The following KCNK9 variants were observed in gnomAD, a reference collection of about 807,000 sequenced individuals.
KCNK9 encodes potassium two pore domain channel subfamily K member 9.
Under a neutral mutation model 10.8 loss-of-function variants are expected in KCNK9, and 1 was observed. The ratio of observed to expected loss-of-function variants is 0.09; its 90% CI spans 0.03 to 0.44. KCNK9 has a LOEUF of 0.44. Ranked by LOEUF, KCNK9 falls within the 20% of genes least tolerant of loss-of-function variation. KCNK9 has a pLI of 0.97. For missense variants in KCNK9, 303 were observed against 515.0 expected (o/e 0.59, Z 3.98); for synonymous variants, 231 against 222.7 (o/e 1.04, Z -0.33).
At chr8:139,600,922 A>G (rs1468736788), downstream of KCNK9, 1 of 151,766 alleles carries the variant, frequency 6.6e-6, no homozygotes, top group Non-Finnish European at 1.5e-5. Context: ...GGGAGATGTT[A>G]ATAATAATTC....
intron 1 of KCNK9, among the ~76,000 whole-genome samples, chr8:139,628,796 A>G (rs1815064735): frequency 6.6e-6 from 1 of 152,206 alleles, no homozygotes; most frequent in African/African-American, 2.4e-5. Context: ...GCAAAGCACA[A>G]ATTTCCAACA....
chr8:139,695,441 T>C (rs1212964073), intron 1 of KCNK9, among the ~76,000 whole-genome samples: 1 of 152,198 alleles, frequency 6.6e-6, no homozygotes. Flanking sequence ...TACAGGCTGT[T>C]ACAGAACAGG....
At chr8:139,610,341 A>C (rs1237555138), downstream of KCNK9, among the ~76,000 whole-genome samples, 5 of 152,246 alleles carry the variant, frequency 3.3e-5, no homozygotes, top group Non-Finnish European at 7.3e-5. Context: ...CCCAGAGGGC[A>C]CAGATGCAGG....
downstream of KCNK9, chr8:139,615,691 C>G (rs755548363): frequency 6.6e-6 from 1 of 152,128 alleles, no homozygotes; most frequent in African/African-American, 2.4e-5. Flanking sequence ...AGATAAATTA[C>G]AAGTTGCCTC....
chr8:139,615,382 G>T, downstream of KCNK9, among the ~76,000 whole-genome samples: 1 of 152,170 alleles, frequency 6.6e-6, no homozygotes, highest in East Asian at 1.9e-4. Flanking sequence ...GGGCATCTCT[G>T]TTTAGTGCTG....
intron 1 of KCNK9, among the ~76,000 whole-genome samples, chr8:139,696,890 T>G (rs903439531): frequency 9.2e-5 from 13 of 142,032 alleles, no homozygotes; most frequent in Non-Finnish European, 1.7e-4. Context: ...GATGGATGGG[T>G]GGATGAATAG....
intron 1 of KCNK9, among the ~76,000 whole-genome samples, chr8:139,657,221 C>T (rs1253063124): frequency 6.6e-6 from 1 of 152,204 alleles, no homozygotes; most frequent in East Asian, 1.9e-4. Context: ...TCTGGTGCCC[C>T]TAACTAGCTG....
intron 1 of KCNK9, among the ~76,000 whole-genome samples, chr8:139,668,071 A>G (rs150169725): frequency 9.2e-4 from 140 of 152,216 alleles, no homozygotes; most frequent in Admixed American, 1.8e-3. Flanking sequence ...TTTTTCCAAC[A>G]TCATGTGCTC....
At chr8:139,609,742 A>G (rs1461641706), downstream of KCNK9, among the ~76,000 whole-genome samples, 1 of 152,198 alleles carries the variant, frequency 6.6e-6, no homozygotes, top group Non-Finnish European at 1.5e-5. Flanking sequence ...TATGTCATTA[A>G]AACTAAAGCA....
intron 1 of KCNK9, among the ~76,000 whole-genome samples, chr8:139,682,467 G>C (rs546956290): frequency 6.6e-6 from 1 of 152,286 alleles, no homozygotes; most frequent in South Asian, 2.1e-4. Context: ...ACATAGGAGA[G>C]ACATCTCACC....
chr8:139,701,786 T>C (rs977749643), intron 1 of KCNK9, among the ~76,000 whole-genome samples: 1 of 152,104 alleles, frequency 6.6e-6, no homozygotes, highest in Non-Finnish European at 1.5e-5. Flanking sequence ...TCTCCAAGTA[T>C]AACGTCCGGG....
intron 1 of KCNK9, among the ~76,000 whole-genome samples, chr8:139,662,844 G>A (rs1348763510): frequency 5.0e-4 from 60 of 120,978 alleles, no homozygotes; most frequent in African/African-American, 1.9e-3. Flanking sequence ...AGGGAAAGGG[G>A]AGAAGGGAGG....
intron 1 of KCNK9, among the ~76,000 whole-genome samples, chr8:139,682,909 G>A (rs530163815): frequency 2.8e-4 from 42 of 151,656 alleles, no homozygotes; most frequent in Admixed American, 2.4e-3. Flanking sequence ...TCCTCTGTGT[G>A]CCCAGAATGG....
chr8:139,656,294 C>A (rs1267923399), intron 1 of KCNK9, among the ~76,000 whole-genome samples: 5 of 152,188 alleles, frequency 3.3e-5, no homozygotes. Flanking sequence ...GAGAGCCCAT[C>A]CAGCTGGGGC....
chr8:139,700,538 A>G (rs573863773), intron 1 of KCNK9, among the ~76,000 whole-genome samples: 3,309 of 119,674 alleles, frequency 0.028, 121 homozygotes, highest in African/African-American at 0.1. Flanking sequence ...ACACACACAC[A>G]CGCGCGCACA....
At chr8:139,682,266 CAACA>C (rs1816705325) in intron 1 of KCNK9, among the ~76,000 whole-genome samples, 1 of 152,190 alleles carries the variant, frequency 6.6e-6, no homozygotes, top group African/African-American at 2.4e-5. Context: ...TATGTTCATT[CAACA>C]AACATTCTCG....
chr8:139,653,593 G>A (rs1815932583), intron 1 of KCNK9, among the ~76,000 whole-genome samples: 1 of 152,110 alleles, frequency 6.6e-6, no homozygotes, highest in Non-Finnish European at 1.5e-5. Context: ...GCCCTGTAGG[G>A]GAGCAGGTCC....
chr8:139,674,601 C>T (rs1816507891), intron 1 of KCNK9, among the ~76,000 whole-genome samples: 1 of 152,196 alleles, frequency 6.6e-6, no homozygotes. Flanking sequence ...GGGACTCCAA[C>T]CCAAGACCTC....
At position 139,618,754 on chromosome 8, in the gene KCNK9, G is replaced by T. The variant is rs1369903464; in HGVS notation, c.629C>A (p.Thr210Asn). ...IGFGDYVALQTKGALQKKPLY... is the reference protein window; with the variant it reads ...IGFGDYVALQNKGALQKKPLY... ...CGGCTTCTTCTGCAGGGCACCCTTGGTCTGCAGGGCCACGTAGTCCCCGAA... is the reference window on the plus strand; with the variant it reads ...CGGCTTCTTCTGCAGGGCACCCTTGTTCTGCAGGGCCACGTAGTCCCCGAA... The change falls in exon 2 of 2, where the codon ACC (threonine) becomes AAC (asparagine). Residue 210 changes from threonine (T) to asparagine (N), a missense_variant. By Grantham distance (65) the Thr-to-Asn change is moderately conservative (BLOSUM62 0). Around this residue, in one of 5 missense-constraint regions of KCNK9, gnomAD observed 53 missense variants for 134.9 expected, o/e 0.39. Transcript: ENST00000520439. The surrounding 1 kb of genome is among the most constrained non-coding windows in gnomAD (Gnocchi z 7.9). 2 of 1,614,162 alleles carry T rather than the reference G, an allele frequency of 1.2e-6. No individual in the cohort carries two copies. Among genetic ancestry groups the T allele is most frequent in the Non-Finnish European group, 1.7e-6 (2 of 1,180,018 alleles).
Sources: allele counts gnomAD v4.1 joint callset (sites outside exome capture counted in the v4.1 genomes callset), GRCh38; gene constraint gnomAD v4.1.1; regional missense constraint gnomAD v4.1.1; non-coding constraint Gnocchi (gnomAD v3.1); transcripts MANE v1.5; gene names NCBI Gene and HGNC (gene_info 2026-07-23, HGNC 2026-07-21).